Variants in DLL4 observed in about 807,000 individuals in gnomAD.
The protein encoded by DLL4 is delta-like protein 4.
A neutral mutation model predicts 73.6 loss-of-function variants in DLL4; 7 were observed. The observed-to-expected ratio is 0.10, with a 90% CI of 0.05 to 0.18. The LOEUF is 0.18. DLL4 is among the 10% of genes least tolerant of loss of function. The pLI, the probability that DLL4 is intolerant of heterozygous loss-of-function variation, is 1.00. For synonymous variants in DLL4, 345 were observed against 374.3 expected, an observed-to-expected ratio of 0.92 and a Z score of 0.90; for missense variants, 614 against 929.9, an observed-to-expected ratio of 0.66 and a Z score of 4.42.
Position 40,938,409 on chromosome 15 carries a change from G to T in DLL4, c.*375G>T. 1 of 194,422 alleles carries T rather than the reference G, an allele frequency of 5.1e-6. No homozygotes were observed. The highest frequency in any genetic ancestry group is 1.0e-5 in the Non-Finnish European group (1 of 96,134). The allele number at this position is 194,422 out of a possible 1,614,324, so 12.0% of individuals were successfully genotyped here. On this transcript the variant is annotated 3_prime_UTR_variant, in exon 11 of 11. Transcript: ENST00000249749. ...GCTGCTGTGGCCTCCACTGGCATCC[G>T]TGTTTCCAAAAGTGCCTTTGGCCCA...
At chr15:40,933,728 T>C (rs371503217) in intron 6 of DLL4, among the ~76,000 whole-genome samples, 17 of 152,038 alleles carry the variant, frequency 1.1e-4, no homozygotes, top group African/African-American at 4.1e-4. Context: ...AGTTTGTGAG[T>C]TTCCCTGGCA....
In DLL4 at chr15:40,937,444, C is replaced by T. The variant is rs770601002; in HGVS notation, c.1970C>T (p.Ala657Val). 11 of 1,613,476 alleles carry T rather than the reference C, an allele frequency of 6.8e-6. No homozygotes were observed. The highest frequency in any genetic ancestry group is 2.7e-5 in the African/African-American group (2 of 74,922). The change falls in exon 10 of 11, where the codon GCG (alanine) becomes GTG (valine). Residue 657 changes from alanine (A) to valine (V), a missense_variant. Ala to Val is a moderately conservative substitution (Grantham distance 64, BLOSUM62 0). This residue lies in a region of DLL4 where 386 missense variants were observed against 541.3 expected (regional missense o/e 0.71). Transcript: ENST00000249749. ...HSEKPECRIS[A>V]ICSPRDSMYQ... ...GAAAAGCCAGAGTGTCGGATATCAG[C>T]GATATGCTCCCCCAGGGACTCCATG...
intron 6 of DLL4, among the ~76,000 whole-genome samples, chr15:40,934,074 G>A (rs947242708): frequency 6.8e-6 from 1 of 147,300 alleles, no homozygotes; most frequent in African/African-American, 2.5e-5. Flanking sequence ...GCGATGGCCT[G>A]TAATCCCAGC....
In DLL4 at chr15:40,937,462, A is replaced by G. The variant is rs1344001701; in HGVS notation, c.1988A>G (p.Asp663Gly). The G allele has an allele frequency of 1.2e-6, 2 of 1,613,536 alleles. No homozygotes were observed. Among genetic ancestry groups the G allele is most frequent in the African/African-American group, 2.7e-5 (2 of 74,808 alleles). The change falls in exon 10 of 11, where the codon GAC (aspartate) becomes GGC (glycine). Residue 663 changes from aspartate to glycine, a missense_variant. Transcript: ENST00000249749. ...CRISAICSPRDSMYQSVCLIS... is the reference protein window; with the variant it reads ...CRISAICSPRGSMYQSVCLIS... Reference sequence around the variant, plus strand: ...ATATCAGCGATATGCTCCCCCAGGGACTCCATGTACCAGTCTGTGTGTTTG... The same window carrying G: ...ATATCAGCGATATGCTCCCCCAGGGGCTCCATGTACCAGTCTGTGTGTTTG...
At chr15:40,937,289 C>A in intron 9 of DLL4, 129 bp from the exon 10 acceptor site, 1 of 735,468 alleles carries the variant, frequency 1.4e-6, no homozygotes, top group Non-Finnish European at 2.4e-6. Flanking sequence ...CAGCCCAGCA[C>A]TGGGCACGTC....
Position 40,934,680 on chromosome 15 carries a change from G to A in DLL4, c.983G>A (p.Cys328Tyr). ...GVDCELELSE[C>Y]DSNPCRNGGS... ...GACTGTGAGCTGGAGCTCAGCGAGT[G>A]TGACAGCAACCCCTGTCGCAATGGA... is the stretch of plus-strand genomic sequence containing the variant. Residue 328 changes from cysteine (C) to tyrosine (Y), a missense_variant, in exon 7 of 11, where the codon TGT (cysteine) becomes TAT (tyrosine). Physicochemically the swap from Cys to Tyr is radical, Grantham distance 194 (BLOSUM62 -2). Transcript: ENST00000249749. The A allele has an allele frequency of 6.2e-7, 1 of 1,613,914 alleles. No homozygotes were observed. Among genetic ancestry groups the A allele is most frequent in the Non-Finnish European group, 8.5e-7 (1 of 1,179,884 alleles).
chr15:40,937,964 G>A, intron 10 of DLL4, 65 bp from the exon 11 acceptor site: 1 of 1,585,704 alleles, frequency 6.3e-7, no homozygotes, highest in East Asian at 2.3e-5. Flanking sequence ...GGAGGCCCAG[G>A]GAGGGCCTGG....
Position 40,931,501 on chromosome 15 carries a change from A to G in DLL4, c.395-2A>G. 6.2e-7 allele frequency: 1 copy of G among 1,606,918 alleles called. No individual in the cohort carries two copies. The highest frequency in any genetic ancestry group is 8.5e-7 in the Non-Finnish European group (1 of 1,177,110). ...CCCTGACCCGACCCTCTGCCCCCTC[A>G]GAGGCCTTGCCACCAGATGCACTCA... On this transcript the variant is annotated splice_acceptor_variant, in intron 3 of 10. Transcript: ENST00000249749. LOFTEE classifies it high-confidence loss of function.
Position 40,930,669 on chromosome 15 carries a change from C to G in DLL4, c.381C>G (p.Asp127Glu). 6.2e-7 allele frequency: 1 copy of G among 1,613,824 alleles called. No homozygotes were observed. Among genetic ancestry groups the G allele is most frequent in the South Asian group, 1.1e-5 (1 of 91,066 alleles). ...TCGAAGCTTGGCACGCGCCAGGAGA[C>G]GACCTGCGGCCAGGTGAGTAGCTCG... ...LIIEAWHAPGDDLRPEALPPD... is the reference protein window; with the variant it reads ...LIIEAWHAPGEDLRPEALPPD... Residue 127 changes from aspartate to glutamate, a missense_variant, in exon 3 of 11, where the codon GAC (aspartate) becomes GAG (glutamate). By Grantham distance (45) the Asp-to-Glu change is conservative. Around this residue, in one of 3 missense-constraint regions of DLL4, gnomAD observed 227 missense variants for 370.8 expected, o/e 0.61. Coordinates refer to ENST00000249749, the MANE Select transcript of DLL4 (RefSeq NM_019074.4). This position sits in a 1 kb window ranked among gnomAD's most constrained non-coding sequence, Gnocchi z 5.7.
At position 40,932,261 on chromosome 15, in the gene DLL4, G is replaced by T. The variant is rs1365301387; in HGVS notation, c.719+30G>T. 3.1e-6 allele frequency: 5 copies of T among 1,614,006 alleles called. No homozygotes were observed. The South Asian group carries it at 5.5e-5, about 18-fold the overall frequency. On this transcript the variant is annotated intron_variant, in intron 5 of 10. Coordinates refer to ENST00000249749, the MANE Select transcript of DLL4 (RefSeq NM_019074.4). ...GTAGGGGACAGGAAGTGGTGAGTGG[G>T]AGCCCTCCCTTGGCCAAGGCCTCTC...
rs546862361 is a variant in DLL4, at chr15:40,932,546, G to A, written c.850+99G>A. ...CCTGGATCCTTCTTACTTGGTGACT[G>A]CAGACTTGGCTTTCCCATGATCTTC... is the stretch of plus-strand genomic sequence containing the variant. On this transcript the variant is annotated intron_variant, in intron 6 of 10. Coordinates refer to ENST00000249749, the MANE Select transcript of DLL4 (RefSeq NM_019074.4). 2,963 of 1,455,432 alleles carry A rather than the reference G, an allele frequency of 2.0e-3. 65 individuals are homozygous for A. The South Asian group carries it at 0.034, about 17-fold the overall frequency. 90.2% of individuals were successfully genotyped at this position (1,455,432 alleles called of 1,614,324 possible). A position where few individuals can be genotyped will look rare whatever the true frequency, so the allele number is the denominator to read the frequency against.
chr15:40,936,375 T>G lies in DLL4; in HGVS notation c.1388T>G (p.Met463Arg). The G allele has an allele frequency of 6.2e-7, 1 of 1,611,632 alleles. No homozygotes were observed. The highest frequency in any genetic ancestry group is 8.5e-7 in the Non-Finnish European group (1 of 1,179,234). Residue 463 changes from methionine (M) to arginine (R), a missense_variant, in exon 9 of 11, where the codon ATG becomes AGG. Transcript: ENST00000249749. ...GTCHDLENGL[M>R]CTCPAGFSGR... ...TGCCATGACCTGGAGAATGGGCTCA[T>G]GTGCACCTGCCCTGCCGGCTTCTCT...
At chr15:40,936,207 G>A (rs1431399819) in intron 8 of DLL4, 21 bp from the exon 9 acceptor site, 2 of 1,545,458 alleles carry the variant, frequency 1.3e-6, no homozygotes, top group Non-Finnish European at 8.7e-7. Context: ...TCACTGACTT[G>A]TGTCTCATGC....
At position 40,934,690 on chromosome 15, in the gene DLL4, C is replaced by G. The variant is rs374462869; in HGVS notation, c.993C>G (p.Asn331Lys). The G allele has an allele frequency of 6.2e-6, 10 of 1,613,712 alleles. No individual in the cohort carries two copies. Among genetic ancestry groups the G allele is most frequent in the Middle Eastern group, 3.3e-4 (2 of 6,082 alleles). ...CELELSECDS[N>K]PCRNGGSCKD... ...TGGAGCTCAGCGAGTGTGACAGCAACCCCTGTCGCAATGGAGGCAGCTGTA... is the reference window on the plus strand; with the variant it reads ...TGGAGCTCAGCGAGTGTGACAGCAAGCCCTGTCGCAATGGAGGCAGCTGTA... Residue 331 changes from asparagine (N) to lysine (K), a missense_variant, in exon 7 of 11, where the codon AAC becomes AAG. This residue lies in a region of DLL4 where 386 missense variants were observed against 541.3 expected (regional missense o/e 0.71). Coordinates refer to ENST00000249749, the MANE Select transcript of DLL4 (RefSeq NM_019074.4).
At position 40,936,824 on chromosome 15, in the gene DLL4, T is replaced by C. The variant is rs779973377; in HGVS notation, c.1837T>C (p.Leu613=). The C allele has an allele frequency of 1.2e-6, 2 of 1,613,402 alleles. No homozygotes were observed. Among genetic ancestry groups the C allele is most frequent in the African/African-American group, 1.3e-5 (1 of 74,886 alleles). The change falls in exon 9 of 11, where the codon TTG becomes CTG. Residue 613 remains leucine, a synonymous_variant. Coordinates refer to ENST00000249749, the MANE Select transcript of DLL4 (RefSeq NM_019074.4). ...CTGTGGCAAACAGCAAAACCACACA[T>C]TGGACTATAATCTGGCCCCAGGGCC... ...SNCGKQQNHT[L]DYNLAPGPLG...
chr15:40,934,963 C>T lies in DLL4; in HGVS notation c.1086C>T (p.Ser362=), dbSNP rs2140370844. 5 of 1,613,754 alleles carry T rather than the reference C, an allele frequency of 3.1e-6. No homozygotes were observed. In the East Asian group the frequency reaches 8.9e-5, roughly 29 times the overall value. ...ACTATGGCCTGCATTGTGAACACAG[C>T]ACCTTGAGCTGCGCCGACTCCCCCT... The part of the protein sequence containing the change: ...PGYYGLHCEH[S]TLSCADSPCF... The change falls in exon 8 of 11, where the codon AGC becomes AGT. Residue 362 remains serine (S), a synonymous_variant. Coordinates refer to ENST00000249749, the MANE Select transcript of DLL4 (RefSeq NM_019074.4).
chr15:40,931,430 G>T (rs1892768186), intron 3 of DLL4, 73 bp from the exon 4 acceptor site: 2 of 1,501,880 alleles, frequency 1.3e-6, no homozygotes, highest in African/African-American at 1.4e-5. Flanking sequence ...AGCCAAGAAG[G>T]ACATTGGCCA....
In DLL4 at chr15:40,935,043, A is replaced by G; in HGVS notation, c.1166A>G (p.Glu389Gly). The change falls in exon 8 of 11, where the codon GAA (glutamate) becomes GGA (glycine). Residue 389 changes from glutamate (E) to glycine (G), a missense_variant. By Grantham distance (98) the Glu-to-Gly change is moderately conservative. This residue lies in a region of DLL4 where 386 missense variants were observed against 541.3 expected (regional missense o/e 0.71). Transcript: ENST00000249749. ...ERNQGANYAC[E>G]CPPNFTGSNC... is the part of the protein sequence containing the mutation. ...AACCAGGGGGCCAACTATGCTTGTG[A>G]ATGTCCCCCCAACTTCACCGGCTCC... 1 of 1,613,472 alleles carries G rather than the reference A, an allele frequency of 6.2e-7. No homozygotes were observed.
intron 8 of DLL4, 32 bp from the exon 9 acceptor site, chr15:40,936,196 A>G (rs1162517594): frequency 2.0e-6 from 3 of 1,521,754 alleles, no homozygotes; most frequent in Middle Eastern, 2.3e-4. Flanking sequence ...CTCCCAGGCT[A>G]TCACTGACTT....
Sources: gnomAD v4.1 joint callset for allele counts (sites outside exome capture counted in the v4.1 genomes callset) on GRCh38, gnomAD v4.1.1 for gene constraint, gnomAD v4.1.1 regional missense constraint, Gnocchi (gnomAD v3.1) non-coding constraint, MANE v1.5 for transcripts, NCBI Gene and HGNC (gene_info 2026-07-23, HGNC 2026-07-21) for gene names.